Variants in HHAT observed in about 807,000 individuals in gnomAD.
HHAT encodes the protein hedgehog acyltransferase.
Under a neutral mutation model 70.8 loss-of-function variants are expected in HHAT, and 47 were observed. The observed-to-expected ratio is 0.66, with a 90% CI of 0.53 to 0.85. The LOEUF (loss-of-function observed/expected upper bound fraction) is 0.85, where lower values mean the gene tolerates loss of function less well. HHAT is among the 40% of genes least tolerant of loss of function. The pLI, the probability that HHAT is intolerant of heterozygous loss-of-function variation, is 0.00. For synonymous variants in HHAT, 228 were observed against 247.6 expected, an observed-to-expected ratio of 0.92 and a Z score of 0.74; for missense variants, 609 against 604.8, an observed-to-expected ratio of 1.01 and a Z score of -0.07.
chr1:210,556,570 C>T lies in HHAT; in HGVS notation c.1044-31328C>T, dbSNP rs145865569. Among the ~76,000 whole-genome samples, 291 of 152,310 alleles carry T rather than the reference C, an allele frequency of 1.9e-3. 1 individual carries two copies. Among genetic ancestry groups the T allele is most frequent in the African/African-American group, 6.5e-3 (269 of 41,570 alleles). On this transcript the variant is annotated intron_variant, in intron 9 of 11. Coordinates refer to ENST00000261458, the MANE Select transcript of HHAT (RefSeq NM_018194.6). ...CTTTGGGCTTCCAAACATCCTTCCT[C>T]CTGCTGATACACAAATATACCATCC...
At chr1:210,611,409 G>T (rs1666558824) in intron 10 of HHAT, among the ~76,000 whole-genome samples, 1 of 152,090 alleles carries the variant, frequency 6.6e-6, no homozygotes, top group South Asian at 2.1e-4. Context: ...TAGCTTTTGG[G>T]CTGAGATGAT....
chr1:210,674,316 G>A lies in HHAT; in HGVS notation c.1419G>A (p.Leu473=), dbSNP rs376245379. ...QGWPWVTLSV[L]GFLYCYSHVG... Reference sequence around the variant, plus strand: ...GGCCTTGGGTGACCCTCTCTGTCCTGGGATTCCTGTACTGCTACTCCCACG... The same window carrying A: ...GGCCTTGGGTGACCCTCTCTGTCCTAGGATTCCTGTACTGCTACTCCCACG... The change falls in exon 12 of 12, where the codon CTG becomes CTA. Residue 473 remains leucine, a synonymous_variant. Coordinates refer to ENST00000261458, the MANE Select transcript of HHAT (RefSeq NM_018194.6). 6.2e-7 allele frequency: 1 copy of A among 1,614,150 alleles called. No individual in the cohort carries two copies.
intron 6 of HHAT, among the ~76,000 whole-genome samples, chr1:210,411,810 C>T (rs951360727): frequency 4.0e-5 from 6 of 148,910 alleles, no homozygotes; most frequent in Admixed American, 1.4e-4. Context: ...TTTGCTGCCT[C>T]TACATGTCTT....
intron 4 of HHAT, among the ~76,000 whole-genome samples, chr1:210,397,532 T>C (rs1243855509): frequency 6.7e-6 from 1 of 149,970 alleles, no homozygotes; most frequent in Non-Finnish European, 1.5e-5. Context: ...TCAGAAGTGT[T>C]GTTTTGGAAC....
At chr1:210,473,160 G>C (rs1380041676) in intron 8 of HHAT, among the ~76,000 whole-genome samples, 2 of 152,168 alleles carry the variant, frequency 1.3e-5, no homozygotes, top group African/African-American at 4.8e-5. Flanking sequence ...ATATGTCAAA[G>C]AGATACATTT....
intron 9 of HHAT, among the ~76,000 whole-genome samples, chr1:210,532,400 T>G (rs2095324355): frequency 6.6e-6 from 1 of 152,250 alleles, no homozygotes; most frequent in Non-Finnish European, 1.5e-5. Flanking sequence ...CATCTGATGC[T>G]TCAGAGGCCC....
chr1:210,646,997 C>T (rs973565693), intron 11 of HHAT, among the ~76,000 whole-genome samples: 14 of 152,256 alleles, frequency 9.2e-5, no homozygotes, highest in Admixed American at 2.0e-4. Context: ...GATTTCTTCC[C>T]ACTGTATTAG....
chr1:210,432,233 T>G (rs1181075471), intron 7 of HHAT, among the ~76,000 whole-genome samples: 2 of 151,738 alleles, frequency 1.3e-5, no homozygotes, highest in African/African-American at 4.9e-5. Context: ...TAAAAGGACT[T>G]CCTTGAAAAA....
chr1:210,338,244 A>T (rs926360747), intron 1 of HHAT, among the ~76,000 whole-genome samples: 4 of 152,058 alleles, frequency 2.6e-5, no homozygotes, highest in South Asian at 4.2e-4. Context: ...GGAGGCTGAG[A>T]TGGAAGGATT....
At chr1:210,423,896 A>G (rs1378170367) in intron 7 of HHAT, among the ~76,000 whole-genome samples, 2 of 152,186 alleles carry the variant, frequency 1.3e-5, no homozygotes, top group Non-Finnish European at 2.9e-5. Flanking sequence ...ATATTGATCT[A>G]CATGCCTGTT....
At chr1:210,577,075 T>TA (rs1455661901) in intron 9 of HHAT, among the ~76,000 whole-genome samples, 3 of 151,484 alleles carry the variant, frequency 2.0e-5, no homozygotes, top group Non-Finnish European at 4.4e-5. Context: ...TTTAACGGGT[T>TA]TTTTTTTTGC....
intron 11 of HHAT, among the ~76,000 whole-genome samples, chr1:210,669,141 A>G (rs548128885): frequency 1.3e-5 from 2 of 152,266 alleles, no homozygotes; most frequent in East Asian, 3.9e-4. Context: ...TTCTCTTTTC[A>G]GAAAACATAC....
At chr1:210,509,596 G>A (rs2094920054) in intron 8 of HHAT, among the ~76,000 whole-genome samples, 1 of 152,130 alleles carries the variant, frequency 6.6e-6, no homozygotes, top group Non-Finnish European at 1.5e-5. Flanking sequence ...TAGGGTTATT[G>A]CAAAAATAAT....
At chr1:210,387,665 A>T in intron 4 of HHAT, 84 bp downstream of exon 4, 1 of 1,011,284 alleles carries the variant, frequency 9.9e-7, no homozygotes, top group Non-Finnish European at 1.5e-6. Flanking sequence ...GAATCGGAAG[A>T]CTTGGATATT....
At chr1:210,342,267 C>A (rs2086106851) in intron 1 of HHAT, among the ~76,000 whole-genome samples, 1 of 152,120 alleles carries the variant, frequency 6.6e-6, no homozygotes. Context: ...TACTGGCTTG[C>A]AAGCCTGAGG....
rs370652381 is a variant in HHAT, at chr1:210,623,521, C to T, written c.1246-5C>T. On this transcript the variant is annotated splice_region_variant and splice_polypyrimidine_tract_variant and intron_variant, in intron 10 of 11. Coordinates refer to ENST00000261458, the MANE Select transcript of HHAT (RefSeq NM_018194.6). The stretch of plus-strand genomic sequence containing the variant: ...TGAGATGCTTTCTTGCCATTTTTCC[C>T]GTAGGCCCGATACTTCTCCCCACAA... 49 of 1,613,750 alleles carry T rather than the reference C, an allele frequency of 3.0e-5. No homozygotes were observed. The highest frequency in any genetic ancestry group is 1.7e-4 in the Middle Eastern group (1 of 6,052).
chr1:210,498,778 T>G (rs963874240), intron 8 of HHAT, among the ~76,000 whole-genome samples: 1 of 150,804 alleles, frequency 6.6e-6, no homozygotes, highest in Non-Finnish European at 1.5e-5. Flanking sequence ...TTTTTTCTTT[T>G]TTTTTTTTTT....
chr1:210,666,057 A>G (rs1678813387), intron 11 of HHAT, among the ~76,000 whole-genome samples: 1 of 152,204 alleles, frequency 6.6e-6, no homozygotes, highest in African/African-American at 2.4e-5. Context: ...AAGTTTGTTC[A>G]TGTGCTGGCC....
chr1:210,584,280 A>G (rs1303729656), intron 9 of HHAT, among the ~76,000 whole-genome samples: 1 of 152,070 alleles, frequency 6.6e-6, no homozygotes, highest in African/African-American at 2.4e-5. Context: ...ATTAAAAAAA[A>G]AATCTCTTCT....
Sources: allele counts gnomAD v4.1 joint callset (sites outside exome capture counted in the v4.1 genomes callset), GRCh38; gene constraint gnomAD v4.1.1; transcripts MANE v1.5; gene names NCBI Gene and HGNC (gene_info 2026-07-23, HGNC 2026-07-21).